Variants in IQSEC2 observed in about 807,000 individuals in gnomAD.
IQSEC2 encodes IQ motif and SEC7 domain-containing protein 2.
IQSEC2 carries 6 observed loss-of-function variants against 74.6 expected under a neutral mutation model. The observed-to-expected ratio is 0.08, with a 90% CI of 0.04 to 0.16. IQSEC2 has a LOEUF of 0.16. IQSEC2 is among the 10% of genes least tolerant of loss of function. The probability of loss-of-function intolerance (pLI) is 1.00; values close to 1 mark genes in which losing one functional copy is unlikely to be tolerated. For missense variants in IQSEC2, 734 were observed against 1,306.2 expected, an observed-to-expected ratio of 0.56 and a Z score of 6.75; for synonymous variants, 494 against 544.5, an observed-to-expected ratio of 0.91 and a Z score of 1.29.
At chrX:53,319,787 G>A (rs1418788808) in intron 1 of IQSEC2, among the ~76,000 whole-genome samples, 2 of 110,829 alleles carry the variant, frequency 1.8e-5, no homozygotes, top group Non-Finnish European at 3.8e-5. Flanking sequence ...TTGAAGGGTG[G>A]AGAGGGGGTG....
At chrX:53,285,819 C>T (rs1443215138) in intron 2 of IQSEC2, among the ~76,000 whole-genome samples, 2 of 112,725 alleles carry the variant, frequency 1.8e-5, no homozygotes, top group African/African-American at 6.4e-5. Context: ...CCAGAGGATG[C>T]GAGGTCAGGG....
At chrX:53,248,609 T>C (rs1301444230) in intron 6 of IQSEC2, 112 bp downstream of exon 6, 1 of 827,053 alleles carries the variant, frequency 1.2e-6, no homozygotes, top group Admixed American at 2.5e-5. Flanking sequence ...GGTCTATTCA[T>C]CCTGTTTTGA....
At chrX:53,281,634 C>G in intron 2 of IQSEC2, 1 of 919,556 alleles carries the variant, frequency 1.1e-6, no homozygotes, top group Non-Finnish European at 1.5e-6. Flanking sequence ...AAGGCGGGGC[C>G]AGGCCAGCTG....
Position 53,320,861 on chromosome X carries a change from T to C in IQSEC2, c.263A>G (p.Gln88Arg). ...GARDSPGRES[Q>R]YQNLRETQFH... ...CTGGGTCTCGCGCAGGTTCTGGTACTGGCTCTCGCGGCCCGGGCTATCCCG... is the reference window on the plus strand; with the variant it reads ...CTGGGTCTCGCGCAGGTTCTGGTACCGGCTCTCGCGGCCCGGGCTATCCCG... Residue 88 changes from glutamine (Q) to arginine (R), a missense_variant, in exon 1 of 15, where the codon CAG (glutamine) becomes CGG (arginine). Gln to Arg is a conservative substitution (Grantham distance 43). This residue lies in a region of IQSEC2 where 134 missense variants were observed against 214.9 expected (regional missense o/e 0.62). Transcript: ENST00000642864. 1.7e-6 allele frequency: 2 copies of C among 1,165,276 alleles called. No individual in the cohort carries two copies. The highest frequency in any genetic ancestry group is 1.1e-6 in the Non-Finnish European group (1 of 871,960).
intron 2 of IQSEC2, among the ~76,000 whole-genome samples, chrX:53,258,714 G>C (rs1602298593): frequency 9.0e-6 from 1 of 110,775 alleles, no homozygotes; most frequent in East Asian, 2.8e-4. Flanking sequence ...AATTAGCCGG[G>C]CGTGGTGGTG....
intron 10 of IQSEC2, among the ~76,000 whole-genome samples, chrX:53,240,067 G>A (rs1177931096): frequency 9.0e-6 from 1 of 111,661 alleles, no homozygotes; most frequent in Non-Finnish European, 1.9e-5. Flanking sequence ...CATTGACTGT[G>A]TGGGCCAGGT....
At chrX:53,237,227 G>A (rs1336478560) in intron 12 of IQSEC2, among the ~76,000 whole-genome samples, 1 of 111,524 alleles carries the variant, frequency 9.0e-6, no homozygotes, top group African/African-American at 3.3e-5. Flanking sequence ...TCCAGAGCTT[G>A]GGTGCTTCCG....
intron 1 of IQSEC2, among the ~76,000 whole-genome samples, chrX:53,305,683 C>T (rs190851657): frequency 4.8e-4 from 54 of 111,957 alleles, no homozygotes; most frequent in Non-Finnish European, 8.5e-4. Flanking sequence ...GTAGTAGAGC[C>T]GAGATTCAAG....
chrX:53,243,494 G>A (rs1556861404), intron 8 of IQSEC2, 23 bp from the exon 9 acceptor site: 1 of 1,155,676 alleles, frequency 8.7e-7, no homozygotes, highest in South Asian at 2.0e-5. Context: ...GTAACACAGG[G>A]ATATGTCACA....
chrX:53,234,509 G>A lies in IQSEC2; in HGVS notation c.4177C>T (p.His1393Tyr). The A allele has an allele frequency of 9.1e-7, 1 of 1,102,869 alleles. No homozygotes were observed. 90.9% of individuals were successfully genotyped at this position (1,102,869 alleles called of 1,213,427 possible). Residue 1393 changes from histidine to tyrosine, a missense_variant, in exon 15 of 15, where the codon CAC becomes TAC. Coordinates refer to ENST00000642864, the MANE Select transcript of IQSEC2 (RefSeq NM_001111125.3). The stretch of plus-strand genomic sequence containing the variant: ...CCTGCTGCTGGCATCATCTGTGGGT[G>A]GTGGCTGAAGATGAAGTGCTTAGGG... ...QGPKHFIFSH[H>Y]PQMMPAAGAA...
intron 2 of IQSEC2, among the ~76,000 whole-genome samples, chrX:53,286,614 A>G (rs1288380562): frequency 1.8e-5 from 2 of 111,594 alleles, no homozygotes; most frequent in African/African-American, 3.3e-5. Context: ...ATGGGCAAGC[A>G]GAGGAAGCTG....
chrX:53,250,132 T>C (rs2074362984), intron 5 of IQSEC2, 147 bp downstream of exon 5: 1 of 709,945 alleles, frequency 1.4e-6, no homozygotes, highest in African/African-American at 2.1e-5. Flanking sequence ...TTGCCAATCC[T>C]CTTCCCTGAA....
chrX:53,234,299 C>T lies in IQSEC2; in HGVS notation c.4387G>A (p.Ala1463Thr), dbSNP rs781858960. ...TTGGCTGTGCCAGGGGGCCCAGAGG[C>T]GTGCAGCGGGCCATGGGGGGAGGTG... The part of the protein sequence containing the change: ...PPTSPHGPLH[A>T]SGPPGTANPP... The change falls in exon 15 of 15, where the codon GCC becomes ACC. Residue 1463 changes from alanine to threonine, a missense_variant. This residue lies in a region of IQSEC2 where 38 missense variants were observed against 36.7 expected (regional missense o/e 1.04). Coordinates refer to ENST00000642864, the MANE Select transcript of IQSEC2 (RefSeq NM_001111125.3). The T allele has an allele frequency of 5.9e-6, 5 of 842,308 alleles. No homozygotes were observed. Among genetic ancestry groups the T allele is most frequent in the African/African-American group, 5.4e-5 (2 of 37,066 alleles). 69.4% of individuals were successfully genotyped at this position (842,308 alleles called of 1,213,427 possible). A position where few individuals can be genotyped will look rare whatever the true frequency, so the allele number is the denominator to read the frequency against.
chrX:53,260,426 A>G (rs1052880387), intron 2 of IQSEC2, among the ~76,000 whole-genome samples: 4 of 112,087 alleles, frequency 3.6e-5, no homozygotes, highest in Non-Finnish European at 5.6e-5. Flanking sequence ...TGAGCCTACA[A>G]TAAAGACTTT....
chrX:53,250,402 G>A lies in IQSEC2; in HGVS notation c.2174C>T (p.Pro725Leu), dbSNP rs782745696. 1.9e-5 allele frequency: 23 copies of A among 1,210,124 alleles called. No individual in the cohort carries two copies. The highest frequency in any genetic ancestry group is 2.3e-4 in the Middle Eastern group (1 of 4,366). The change falls in exon 5 of 15, where the codon CCG (proline) becomes CTG (leucine). Residue 725 changes from proline (P) to leucine (L), a missense_variant. Physicochemically the swap from Pro to Leu is moderately conservative, Grantham distance 98. Around this residue, in one of 12 missense-constraint regions of IQSEC2, gnomAD observed 204 missense variants for 305.4 expected, o/e 0.67. Transcript: ENST00000642864. The stretch of plus-strand genomic sequence containing the variant: ...AGTCTGCTTGCACAGGCCGGTAGCC[G>A]GAGGCTCCCTTAGACTGTCCCGAGA... ...SSSRDSLREP[P>L]ATGLCKQTYQ...
At chrX:53,272,712 C>T (rs1028668106) in intron 2 of IQSEC2, among the ~76,000 whole-genome samples, 2 of 111,631 alleles carry the variant, frequency 1.8e-5, no homozygotes, top group African/African-American at 6.5e-5. Flanking sequence ...TCCTGCATCA[C>T]CTTTATATAA....
At chrX:53,307,712 C>G (rs1352813195) in intron 1 of IQSEC2, among the ~76,000 whole-genome samples, 3 of 104,258 alleles carry the variant, frequency 2.9e-5, no homozygotes, top group African/African-American at 1.1e-4. Context: ...CGAGACTAAC[C>G]TGGCCAACAT....
chrX:53,318,603 G>A (rs782220566), intron 1 of IQSEC2, among the ~76,000 whole-genome samples: 2 of 112,651 alleles, frequency 1.8e-5, no homozygotes, highest in East Asian at 2.8e-4. Flanking sequence ...CCCGAGCTCC[G>A]CTGAGAGCTC....
chrX:53,264,806 C>T (rs782086455), intron 2 of IQSEC2, among the ~76,000 whole-genome samples: 4 of 109,808 alleles, frequency 3.6e-5, no homozygotes, highest in Admixed American at 9.7e-5. Context: ...ATTACTGAAG[C>T]CGTTCCTGTC....
Sources: gnomAD v4.1 joint callset for allele counts (sites outside exome capture counted in the v4.1 genomes callset) on GRCh38, gnomAD v4.1.1 for gene constraint, gnomAD v4.1.1 regional missense constraint, MANE v1.5 for transcripts, NCBI Gene and HGNC (gene_info 2026-07-23, HGNC 2026-07-21) for gene names.